CCND3: variants seen among roughly 807,000 people sequenced by gnomAD.
The protein encoded by CCND3 is cyclin D3, also known as G1/S-specific cyclin-D3.
A neutral mutation model predicts 28.7 loss-of-function variants in CCND3; 9 were observed. The ratio of observed to expected loss-of-function variants is 0.31; its 90% CI spans 0.19 to 0.55. The LOEUF (loss-of-function observed/expected upper bound fraction) is 0.55. Ranked by LOEUF, CCND3 falls within the 20% of genes least tolerant of loss-of-function variation. The pLI, the probability that CCND3 is intolerant of heterozygous loss-of-function variation, is 0.93. For synonymous variants in CCND3, 164 were observed against 163.9 expected, an observed-to-expected ratio of 1.00 and a Z score of 0.00; for missense variants, 315 against 385.8, an observed-to-expected ratio of 0.82 and a Z score of 1.54.
chr6:41,939,220 G>A lies in CCND3; in HGVS notation c.414+1150C>T, dbSNP rs1195982468. Among the ~76,000 whole-genome samples the A allele has an allele frequency of 1.3e-5, 2 of 152,032 alleles. No homozygotes were observed. Among genetic ancestry groups the A allele is most frequent in the South Asian group, 2.1e-4 (1 of 4,828 alleles). On this transcript the variant is annotated intron_variant, in intron 2 of 4. Transcript: ENST00000372991. The surrounding 1 kb of genome is among the most constrained non-coding windows in gnomAD (Gnocchi z 4.2). ...GGCAGGAAGAGGAATCCTGTTCCTC[G>A]ACTCACAGCAGTCGGGGGCCCCAGT...
intron 1 of CCND3, among the ~76,000 whole-genome samples, chr6:42,023,262 G>C (rs1297778126): frequency 2.0e-5 from 3 of 152,138 alleles, no homozygotes; most frequent in Non-Finnish European, 4.4e-5. Context: ...TGATTTCGCT[G>C]TTTGAAATGG....
Position 41,939,060 on chromosome 6 carries a change from A to T in CCND3, c.414+1310T>A, listed in dbSNP as rs1027869693. On this transcript the variant is annotated intron_variant, in intron 2 of 4. Transcript: ENST00000372991. The surrounding 1 kb of genome is among the most constrained non-coding windows in gnomAD (Gnocchi z 4.2). ...CTACCTTCCAGCCCCAACCCCTCCA[A>T]AAACATCTTGCTCTCTGGCCCTGGA... Among the ~76,000 whole-genome samples the T allele has an allele frequency of 6.6e-6, 1 of 152,108 alleles. No homozygotes were observed. The highest frequency in any genetic ancestry group is 2.4e-5 in the African/African-American group (1 of 41,414).
At chr6:41,950,944 G>A (rs967224555) in intron 1 of CCND3, among the ~76,000 whole-genome samples, 7 of 151,870 alleles carry the variant, frequency 4.6e-5, no homozygotes, top group East Asian at 2.0e-4. Context: ...TCCTGACCTC[G>A]TGATCCGCCC....
intron 1 of CCND3, among the ~76,000 whole-genome samples, chr6:42,009,161 G>T (rs920653064): frequency 3.3e-5 from 5 of 152,186 alleles, no homozygotes; most frequent in African/African-American, 7.2e-5. Flanking sequence ...ACTGTGCCTA[G>T]GTCAGGCCTA....
Position 41,940,722 on chromosome 6 carries a change from A to G in CCND3, c.199-137T>C, listed in dbSNP as rs963444253. 1.1e-5 allele frequency: 8 copies of G among 752,094 alleles called. No homozygotes were observed. The African/African-American group carries it at 1.2e-4, about 11-fold the overall frequency. The allele number at this position is 752,094 out of a possible 1,614,324, so 46.6% of individuals were successfully genotyped here. On this transcript the variant is annotated intron_variant, in intron 1 of 4. Coordinates refer to ENST00000372991, the MANE Select transcript of CCND3 (RefSeq NM_001760.5). ...AAGCTACTTAGAGAGACAAGGACCAATAAAGGAGGAGGATGCGCCCTCCCC... is the reference window on the plus strand; with the variant it reads ...AAGCTACTTAGAGAGACAAGGACCAGTAAAGGAGGAGGATGCGCCCTCCCC...
intron 1 of CCND3, among the ~76,000 whole-genome samples, chr6:42,006,833 A>T (rs4714544): frequency 9.2e-5 from 14 of 151,398 alleles, no homozygotes; most frequent in African/African-American, 3.4e-4. Context: ...GTGTGAACCC[A>T]GGGGGCAGAG....
chr6:41,969,688 A>T (rs1406188367), intron 1 of CCND3, among the ~76,000 whole-genome samples: 3 of 152,098 alleles, frequency 2.0e-5, no homozygotes, highest in Admixed American at 2.0e-4. Context: ...GTGAGCCGAG[A>T]TGGCACCACT....
intron 1 of CCND3, among the ~76,000 whole-genome samples, chr6:42,042,635 C>T (rs1258232297): frequency 1.3e-5 from 2 of 152,186 alleles, no homozygotes; most frequent in Admixed American, 1.3e-4. Context: ...GCTGGGATTA[C>T]ATGAATGAGC....
intron 1 of CCND3, among the ~76,000 whole-genome samples, chr6:42,006,838 G>A (rs925271116): frequency 1.3e-5 from 2 of 151,788 alleles, no homozygotes; most frequent in Non-Finnish European, 1.5e-5. Flanking sequence ...AACCCAGGGG[G>A]CAGAGCTTGC....
intron 1 of CCND3, among the ~76,000 whole-genome samples, chr6:42,006,126 C>T (rs947050769): frequency 5.3e-5 from 8 of 151,376 alleles, no homozygotes; most frequent in Non-Finnish European, 7.4e-5. Flanking sequence ...ATGATTGCAC[C>T]GTGGCACTAC....
At chr6:41,976,865 G>A (rs1762199604) in intron 1 of CCND3, among the ~76,000 whole-genome samples, 1 of 152,184 alleles carries the variant, frequency 6.6e-6, no homozygotes, top group East Asian at 1.9e-4. Flanking sequence ...TCCCATCAGC[G>A]TACACTTGCT....
upstream of CCND3, among the ~76,000 whole-genome samples, chr6:41,943,174 CTTATA>C (rs1311649283): frequency 1.3e-5 from 2 of 152,014 alleles, no homozygotes; most frequent in Non-Finnish European, 2.9e-5. Flanking sequence ...ATTATTCTTT[CTTATA>C]TTATAAATTG....
At chr6:41,987,402 C>T (rs758557911) in intron 1 of CCND3, among the ~76,000 whole-genome samples, 1 of 151,568 alleles carries the variant, frequency 6.6e-6, no homozygotes, top group Non-Finnish European at 1.5e-5. Context: ...TTATGGAGTA[C>T]TTCTGCTTAA....
intron 1 of CCND3, among the ~76,000 whole-genome samples, chr6:41,998,562 A>G (rs12206672): frequency 0.24 from 36,780 of 151,498 alleles, 4,561 homozygotes; most frequent in Middle Eastern, 0.26. Context: ...TCCTGACCTC[A>G]GGTGATCCGC....
chr6:41,936,278 G>T lies in CCND3; in HGVS notation c.712-171C>A. 1 of 744,474 alleles carries T rather than the reference G, an allele frequency of 1.3e-6. No individual in the cohort carries two copies. Among genetic ancestry groups the T allele is most frequent in the African/African-American group, 1.8e-5 (1 of 56,654 alleles). The allele number at this position is 744,474 out of a possible 1,614,324, so 46.1% of individuals were successfully genotyped here. A position where few individuals can be genotyped will look rare whatever the true frequency, so the allele number is the denominator to read the frequency against. On this transcript the variant is annotated intron_variant, in intron 4 of 4. Transcript: ENST00000372991. This position sits in a 1 kb window ranked among gnomAD's most constrained non-coding sequence, Gnocchi z 4.4. ...AGAAACTAGCAAGAGGATGTGGCAA[G>T]GGAGTGTGAGAGCAGCCCTGCATCT...
intron 1 of CCND3, among the ~76,000 whole-genome samples, chr6:42,042,803 T>C (rs1764413794): frequency 6.6e-6 from 1 of 152,058 alleles, no homozygotes. Flanking sequence ...TCAACTAATA[T>C]TGGTTATTAT....
chr6:42,020,011 G>A (rs1763651819), intron 1 of CCND3, among the ~76,000 whole-genome samples: 1 of 152,094 alleles, frequency 6.6e-6, no homozygotes, highest in African/African-American at 2.4e-5. Context: ...GGGAGCGGTG[G>A]CTCACGCCTG....
chr6:42,043,744 C>T (rs545898939), intron 1 of CCND3, among the ~76,000 whole-genome samples: 1 of 152,148 alleles, frequency 6.6e-6, no homozygotes, highest in Non-Finnish European at 1.5e-5. Flanking sequence ...GCCTCTGTGT[C>T]CCTGGAGGCC....
At position 41,939,144 on chromosome 6, in the gene CCND3, C is replaced by T. The variant is rs1203778115; in HGVS notation, c.414+1226G>A. Among the ~76,000 whole-genome samples, 2 of 152,164 alleles carry T rather than the reference C, an allele frequency of 1.3e-5. No homozygotes were observed. The highest frequency in any genetic ancestry group is 6.5e-5 in the Admixed American group (1 of 15,270). On this transcript the variant is annotated intron_variant, in intron 2 of 4. Transcript: ENST00000372991. The surrounding 1 kb of genome is among the most constrained non-coding windows in gnomAD (Gnocchi z 4.2). The stretch of plus-strand genomic sequence containing the variant: ...CCAGATTCATCACAAAGAGCTGTGG[C>T]GCCTCCTGGATTCCCAACTCTGGCC...
Sources: gnomAD v4.1 joint callset for allele counts (sites outside exome capture counted in the v4.1 genomes callset) on GRCh38, gnomAD v4.1.1 for gene constraint, Gnocchi (gnomAD v3.1) non-coding constraint, MANE v1.5 for transcripts, NCBI Gene and HGNC (gene_info 2026-07-23, HGNC 2026-07-21) for gene names.